ITFG1: variants seen among roughly 807,000 people sequenced by gnomAD.
ITFG1 encodes integrin alpha FG-GAP repeat containing 1, also known as T-cell immunomodulatory protein.
A neutral mutation model predicts 81.8 loss-of-function variants in ITFG1; 34 were observed. That is an observed-to-expected ratio of 0.42 (90% CI 0.32 to 0.55). ITFG1 has a LOEUF of 0.55. Among genes scored for constraint, ITFG1 ranks in the 20% least tolerant of loss-of-function variants. The probability of loss-of-function intolerance (pLI) is 0.17; values close to 1 mark genes in which losing one functional copy is unlikely to be tolerated. For synonymous variants in ITFG1, 285 were observed against 270.6 expected (o/e 1.05, Z -0.52); for missense variants, 672 against 755.4 (o/e 0.89, Z 1.29).
chr16:47,270,590 A>G (rs1966327846), intron 10 of ITFG1, among the ~76,000 whole-genome samples: 1 of 152,230 alleles, frequency 6.6e-6, no homozygotes, highest in Non-Finnish European at 1.5e-5. Context: ...TGTTCAGACA[A>G]TAACTTGTAC....
At chr16:47,434,308 T>C (rs534771172) in intron 5 of ITFG1, among the ~76,000 whole-genome samples, 1 of 151,634 alleles carries the variant, frequency 6.6e-6, no homozygotes, top group African/African-American at 2.4e-5. Context: ...AATCTATCCA[T>C]CTGACAAAGT....
intron 7 of ITFG1, among the ~76,000 whole-genome samples, chr16:47,366,261 G>T (rs1968175594): frequency 6.6e-6 from 1 of 152,198 alleles, no homozygotes; most frequent in Non-Finnish European, 1.5e-5. Context: ...ATTTCTGACG[G>T]TAACACATAA....
At chr16:47,430,905 A>G (rs984082182) in intron 5 of ITFG1, among the ~76,000 whole-genome samples, 5 of 152,254 alleles carry the variant, frequency 3.3e-5, no homozygotes, top group African/African-American at 4.8e-5. Context: ...ACAATAGCCC[A>G]CAAGTGGAAA....
At position 47,293,727 on chromosome 16, in the gene ITFG1, GGATT is replaced by G. The variant is rs201503335; in HGVS notation, c.1070+17509_1070+17512del. ...GTATTTGTTTTTTTTGGTTGTTGTT[GGATT>G]GAGTTATTTATAAATTCTGAATATA... On this transcript the variant is annotated intron_variant, in intron 10 of 17. Transcript: ENST00000320640. Among the ~76,000 whole-genome samples, 43 of 151,750 alleles carry G rather than the reference GGATT, an allele frequency of 2.8e-4. No homozygotes were observed. In the East Asian group the frequency reaches 7.9e-3, roughly 28 times the overall value.
chr16:47,220,481 T>C (rs1237409253), intron 13 of ITFG1, among the ~76,000 whole-genome samples: 1 of 152,198 alleles, frequency 6.6e-6, no homozygotes, highest in Non-Finnish European at 1.5e-5. Flanking sequence ...CAAATGACAG[T>C]ATTTGTCGCT....
At chr16:47,367,577 A>G (rs1386028639) in intron 7 of ITFG1, among the ~76,000 whole-genome samples, 2 of 152,216 alleles carry the variant, frequency 1.3e-5, no homozygotes, top group African/African-American at 4.8e-5. Flanking sequence ...TTTGTATTTC[A>G]TATTATCACA....
At chr16:47,322,376 C>A (rs940557478) in intron 8 of ITFG1, among the ~76,000 whole-genome samples, 11 of 152,050 alleles carry the variant, frequency 7.2e-5, no homozygotes, top group African/African-American at 2.7e-4. Flanking sequence ...AATTTATGAT[C>A]TACAACGTGA....
At chr16:47,299,625 T>C (rs1280204696) in intron 10 of ITFG1, 1 of 152,544 alleles carries the variant, frequency 6.6e-6, no homozygotes, top group African/African-American at 2.4e-5. Context: ...CTAACCAGCA[T>C]GGGGAAAGTG....
chr16:47,157,307 G>A (rs1472274775), intron 17 of ITFG1, among the ~76,000 whole-genome samples: 1 of 152,020 alleles, frequency 6.6e-6, no homozygotes, highest in African/African-American at 2.4e-5. Context: ...CAGACACTGG[G>A]GAAAGCCTGC....
chr16:47,249,536 CAAATTTGTTTT>C (rs2151538241), intron 12 of ITFG1, among the ~76,000 whole-genome samples: 1 of 152,010 alleles, frequency 6.6e-6, no homozygotes, highest in Non-Finnish European at 1.5e-5. Flanking sequence ...CTTTTAAAAC[CAAATTTGTTTT>C]TAAAGATTAA....
At chr16:47,307,858 C>A (rs558246848) in intron 10 of ITFG1, among the ~76,000 whole-genome samples, 1 of 152,106 alleles carries the variant, frequency 6.6e-6, no homozygotes, top group Non-Finnish European at 1.5e-5. Context: ...CATGAGTATG[C>A]ACTGTTTAGC....
chr16:47,398,465 TA>T (rs1490450922), intron 6 of ITFG1, among the ~76,000 whole-genome samples: 3 of 152,244 alleles, frequency 2.0e-5, no homozygotes, highest in Admixed American at 6.5e-5. Flanking sequence ...CTTAAGCTTC[TA>T]GATTTGTACC....
chr16:47,211,554 T>TA (rs150935790), intron 14 of ITFG1, among the ~76,000 whole-genome samples: 1,903 of 152,330 alleles, frequency 0.012, 20 homozygotes, highest in South Asian at 0.033. Flanking sequence ...AATTTACAAT[T>TA]AGAGTGTTTA....
chr16:47,274,279 C>T (rs1433742028), intron 10 of ITFG1, among the ~76,000 whole-genome samples: 1 of 151,836 alleles, frequency 6.6e-6, no homozygotes, highest in Non-Finnish European at 1.5e-5. Context: ...AAAGAACTAA[C>T]CAAATGTAAG....
At position 47,155,705 on chromosome 16, in the gene ITFG1, A is replaced by G. The variant is rs759266976; in HGVS notation, c.*14T>C. ...AAGTGAACAGCCATTCCATTATGTA[A>G]TATTAAAGGCAAGTCACATAGCATC... On this transcript the variant is annotated 3_prime_UTR_variant, in exon 18 of 18. Transcript: ENST00000320640. The G allele has an allele frequency of 9.4e-6, 15 of 1,587,506 alleles. No homozygotes were observed. In the East Asian group the frequency reaches 3.4e-4, roughly 36 times the overall value.
intron 8 of ITFG1, among the ~76,000 whole-genome samples, chr16:47,363,990 T>C (rs988872642): frequency 3.9e-5 from 6 of 152,230 alleles, no homozygotes; most frequent in Non-Finnish European, 5.9e-5. Flanking sequence ...TCACTTCCCT[T>C]GTTTTGGTTC....
At chr16:47,210,043 T>C (rs529242772) in intron 14 of ITFG1, among the ~76,000 whole-genome samples, 1 of 151,864 alleles carries the variant, frequency 6.6e-6, no homozygotes, top group Admixed American at 6.6e-5. Context: ...ATTTAACTTT[T>C]CATCTCTCTG....
intron 8 of ITFG1, among the ~76,000 whole-genome samples, chr16:47,352,889 T>C (rs1967983797): frequency 1.3e-5 from 2 of 152,166 alleles, no homozygotes; most frequent in Admixed American, 6.5e-5. Flanking sequence ...TAAAAAATGA[T>C]GAGTTCATCT....
At chr16:47,222,655 C>T (rs539065932) in intron 13 of ITFG1, among the ~76,000 whole-genome samples, 33 of 152,218 alleles carry the variant, frequency 2.2e-4, no homozygotes, top group Admixed American at 7.2e-4. Context: ...CCTCGTGATC[C>T]GCCTGCCTCG....
Sources: gnomAD v4.1 joint callset for allele counts (sites outside exome capture counted in the v4.1 genomes callset) on GRCh38, gnomAD v4.1.1 for gene constraint, MANE v1.5 for transcripts, NCBI Gene and HGNC (gene_info 2026-07-23, HGNC 2026-07-21) for gene names.